Variants in IL1RAP observed in about 807,000 individuals in gnomAD.
IL1RAP encodes the protein interleukin 1 receptor accessory protein, also known as interleukin-1 receptor accessory protein.
Under a neutral mutation model 60.7 loss-of-function variants are expected in IL1RAP, and 35 were observed. The ratio of observed to expected loss-of-function variants is 0.58; its 90% CI spans 0.44 to 0.76. The LOEUF (loss-of-function observed/expected upper bound fraction) is 0.76. Among genes scored for constraint, IL1RAP ranks in the 30% least tolerant of loss-of-function variants. The probability of loss-of-function intolerance (pLI) is 0.00; values close to 1 mark genes in which losing one functional copy is unlikely to be tolerated. For missense variants in IL1RAP, 572 were observed against 693.9 expected, an observed-to-expected ratio of 0.82 and a Z score of 1.97; for synonymous variants, 268 against 250.9, an observed-to-expected ratio of 1.07 and a Z score of -0.64.
At chr3:190,601,653 A>G (rs1334953766) in intron 3 of IL1RAP, among the ~76,000 whole-genome samples, 6 of 152,250 alleles carry the variant, frequency 3.9e-5, no homozygotes, top group Non-Finnish European at 7.3e-5. Flanking sequence ...GGTGCCTTGC[A>G]AAGAAGCACA....
At chr3:190,615,218 C>A in intron 5 of IL1RAP, 1 of 690,024 alleles carries the variant, frequency 1.4e-6, no homozygotes, top group Non-Finnish European at 2.2e-6. Context: ...GAAAGCAAAC[C>A]ATAGTTTGTA....
intron 3 of IL1RAP, among the ~76,000 whole-genome samples, chr3:190,601,778 T>C (rs1005580643): frequency 1.3e-5 from 2 of 152,076 alleles, no homozygotes; most frequent in African/African-American, 4.8e-5. Flanking sequence ...CTTTGGTCAG[T>C]TGTGGAAAGC....
At chr3:190,528,873 T>G (rs1722731414) in intron 1 of IL1RAP, among the ~76,000 whole-genome samples, 1 of 152,076 alleles carries the variant, frequency 6.6e-6, no homozygotes, top group African/African-American at 2.4e-5. Flanking sequence ...AAGTGGTAAA[T>G]GAATTATGGT....
intron 3 of IL1RAP, among the ~76,000 whole-genome samples, chr3:190,590,415 C>T (rs961090243): frequency 5.3e-5 from 8 of 152,004 alleles, no homozygotes; most frequent in African/African-American, 7.3e-5. Flanking sequence ...ACCACATTCC[C>T]GGCTAATTTT....
chr3:190,657,172 A>T (rs1426198454), exon 12 of IL1RAP: 2 of 152,228 alleles, frequency 1.3e-5, no homozygotes, highest in African/African-American at 4.8e-5. Context: ...CATTGTTAGC[A>T]TCAATAAAAT....
intron 3 of IL1RAP, among the ~76,000 whole-genome samples, chr3:190,596,188 T>C (rs1222274737): frequency 2.0e-5 from 3 of 152,356 alleles, no homozygotes; most frequent in South Asian, 2.1e-4. Context: ...TTTATACTTA[T>C]ATGTCTGTCT....
At chr3:190,521,768 A>G (rs1722039412) in intron 1 of IL1RAP, among the ~76,000 whole-genome samples, 1 of 152,022 alleles carries the variant, frequency 6.6e-6, no homozygotes, top group African/African-American at 2.4e-5. Flanking sequence ...TTCAGGACCC[A>G]GGTTTGGGGA....
intron 3 of IL1RAP, among the ~76,000 whole-genome samples, chr3:190,593,674 G>A (rs1283822395): frequency 6.6e-6 from 1 of 151,966 alleles, no homozygotes; most frequent in Non-Finnish European, 1.5e-5. Flanking sequence ...CTCGTGAGAC[G>A]TATTCATATT....
At chr3:190,575,644 G>A (rs528517323) in intron 3 of IL1RAP, among the ~76,000 whole-genome samples, 3 of 152,314 alleles carry the variant, frequency 2.0e-5, no homozygotes, top group South Asian at 2.1e-4. Context: ...AGAGGAAGCC[G>A]TGGTCAGAGT....
At chr3:190,656,208 G>A, downstream of IL1RAP, 1 of 1,537,218 alleles carries the variant, frequency 6.5e-7, no homozygotes, top group Non-Finnish European at 8.7e-7. Context: ...GTTCTGGCTG[G>A]AATGAGAGCT....
At chr3:190,514,336 G>A (rs769547906) in intron 1 of IL1RAP, 117 bp downstream of exon 1, 1 of 152,368 alleles carries the variant, frequency 6.6e-6, no homozygotes, top group Non-Finnish European at 1.5e-5. Context: ...AGGAAACTGA[G>A]GCACAGAACG....
At chr3:190,522,256 G>A (rs1185299498) in intron 1 of IL1RAP, among the ~76,000 whole-genome samples, 1 of 151,812 alleles carries the variant, frequency 6.6e-6, no homozygotes, top group Non-Finnish European at 1.5e-5. Context: ...TTTCTCACCT[G>A]TAAAATGGTA....
chr3:190,558,892 T>G (rs767802207), intron 2 of IL1RAP, among the ~76,000 whole-genome samples: 7 of 152,224 alleles, frequency 4.6e-5, no homozygotes, highest in Admixed American at 1.3e-4. Flanking sequence ...ACCAAAAACT[T>G]AGTTGCTTAA....
At chr3:190,619,297 T>G (rs1055071579) in intron 5 of IL1RAP, among the ~76,000 whole-genome samples, 4 of 152,234 alleles carry the variant, frequency 2.6e-5, no homozygotes, top group African/African-American at 9.6e-5. Context: ...AGTTGTGGAC[T>G]GAGATAGTTC....
At chr3:190,594,663 C>G (rs1729231598) in intron 3 of IL1RAP, among the ~76,000 whole-genome samples, 1 of 152,146 alleles carries the variant, frequency 6.6e-6, no homozygotes, top group African/African-American at 2.4e-5. Context: ...ATGTGCCTAA[C>G]TGAAAGTCCC....
intron 2 of IL1RAP, among the ~76,000 whole-genome samples, chr3:190,557,808 T>C (rs1465392706): frequency 6.6e-6 from 1 of 152,226 alleles, no homozygotes; most frequent in Non-Finnish European, 1.5e-5. Context: ...TAATGCACTG[T>C]AACATTAACT....
chr3:190,573,007 GCGCCCGCCACCACGCCCGGCTAATTTTT>G (rs1727109696), intron 3 of IL1RAP, among the ~76,000 whole-genome samples: 3 of 94,538 alleles, frequency 3.2e-5, no homozygotes, highest in Non-Finnish European at 4.6e-5. Flanking sequence ...GGGACTACAG[GCGCCCGCCACCACGCCCGGCTAATTTTT>G]TGTATTTTTA....
chr3:190,630,474 G>T (rs761968527), intron 9 of IL1RAP, among the ~76,000 whole-genome samples: 42 of 152,100 alleles, frequency 2.8e-4, no homozygotes, highest in Non-Finnish European at 5.4e-4. Context: ...CTTCAAAAGT[G>T]AATAACATAG....
chr3:190,586,159 C>T (rs931458168), intron 3 of IL1RAP, among the ~76,000 whole-genome samples: 7 of 152,152 alleles, frequency 4.6e-5, no homozygotes, highest in African/African-American at 1.7e-4. Flanking sequence ...TGCCTTCTGC[C>T]CTCCTATGAC....
Sources: allele counts gnomAD v4.1 joint callset (sites outside exome capture counted in the v4.1 genomes callset), GRCh38; gene constraint gnomAD v4.1.1; transcripts MANE v1.5; gene names NCBI Gene and HGNC (gene_info 2026-07-23, HGNC 2026-07-21).